The following PHF21A variants were observed in gnomAD, a reference collection of about 807,000 sequenced individuals.
The protein encoded by PHF21A is PHD finger protein 21A, also known as BHC80a.
Under a neutral mutation model 82.5 loss-of-function variants are expected in PHF21A, and 11 were observed. The ratio of observed to expected loss-of-function variants is 0.13; its 90% confidence interval spans 0.08 to 0.22. The LOEUF (loss-of-function observed/expected upper bound fraction) is 0.22. Ranked by LOEUF, PHF21A falls within the 10% of genes least tolerant of loss-of-function variation. The pLI is 1.00. For synonymous variants in PHF21A, 297 were observed against 302.8 expected (o/e 0.98, Z 0.20); for missense variants, 579 against 837.8 (o/e 0.69, Z 3.81).
chr11:46,043,518 C>T (rs2096196015), intron 6 of PHF21A, among the ~76,000 whole-genome samples: 1 of 152,094 alleles, frequency 6.6e-6, no homozygotes, highest in South Asian at 2.1e-4. Context: ...CAATGCCTCT[C>T]CTTCCACTGG....
intron 10 of PHF21A, among the ~76,000 whole-genome samples, chr11:45,957,595 A>G (rs764881991): frequency 7.9e-5 from 12 of 151,908 alleles, no homozygotes; most frequent in Non-Finnish European, 1.8e-4. Context: ...AAATGAAAAC[A>G]AGGCCACAAC....
chr11:46,038,372 C>T (rs1308194190), intron 6 of PHF21A, among the ~76,000 whole-genome samples: 1 of 152,136 alleles, frequency 6.6e-6, no homozygotes, highest in Non-Finnish European at 1.5e-5. Flanking sequence ...AAGTGATCCA[C>T]CCGCCTCAGC....
intron 6 of PHF21A, among the ~76,000 whole-genome samples, chr11:46,026,646 C>T (rs569868867): frequency 6.6e-6 from 1 of 152,106 alleles, no homozygotes; most frequent in South Asian, 2.1e-4. Context: ...AAAAAAAAAT[C>T]CTTTAAAGTC....
intron 6 of PHF21A, among the ~76,000 whole-genome samples, chr11:46,056,698 G>A (rs1403609688): frequency 6.6e-6 from 1 of 152,076 alleles, no homozygotes; most frequent in African/African-American, 2.4e-5. Flanking sequence ...AATGAATCAG[G>A]ATTTAGCGGC....
chr11:46,085,442 A>T (rs2096845176), intron 3 of PHF21A, among the ~76,000 whole-genome samples: 1 of 152,120 alleles, frequency 6.6e-6, no homozygotes. Flanking sequence ...AATTATTTCG[A>T]TGGCTAATTT....
At chr11:46,001,274 T>C (rs1183229811) in intron 6 of PHF21A, among the ~76,000 whole-genome samples, 2 of 151,340 alleles carry the variant, frequency 1.3e-5, no homozygotes. Flanking sequence ...AGTCAAAGGT[T>C]CTGTGACCAC....
At chr11:45,939,385 G>A (rs970107998) in intron 15 of PHF21A, among the ~76,000 whole-genome samples, 1 of 152,128 alleles carries the variant, frequency 6.6e-6, no homozygotes, top group Non-Finnish European at 1.5e-5. Flanking sequence ...GAGTTTTCCT[G>A]AATTTGCTTG....
At chr11:46,021,763 C>G (rs1197273027) in intron 6 of PHF21A, among the ~76,000 whole-genome samples, 1 of 152,150 alleles carries the variant, frequency 6.6e-6, no homozygotes, top group East Asian at 1.9e-4. Context: ...GTTGCCCAGG[C>G]TGGTCTTGAA....
chr11:45,949,403 T>C lies in PHF21A; in HGVS notation c.1226A>G (p.Glu409Gly). Residue 409 changes from glutamate to glycine, a missense_variant and splice_region_variant, in exon 13 of 19, where the codon GAG (glutamate) becomes GGG (glycine). Physicochemically the swap from Glu to Gly is moderately conservative, Grantham distance 98. Transcript: ENST00000676320. ...GGGCCAGATGCTGGCCAGTAATACC[T>C]CTGGCTCAAAGACTGCTCCACTGTA... ...PVYSGAVFEP[E>G]RKKSAVTYLN... 6.2e-7 allele frequency: 1 copy of C among 1,613,086 alleles called. No homozygotes were observed.
chr11:46,004,955 T>A (rs959047788), intron 6 of PHF21A, among the ~76,000 whole-genome samples: 2 of 152,314 alleles, frequency 1.3e-5, no homozygotes, highest in South Asian at 2.1e-4. Context: ...GTTTACTTTT[T>A]CCCTTTACAA....
At chr11:46,079,347 T>TA (rs2135086346) in intron 4 of PHF21A, among the ~76,000 whole-genome samples, 181 bp from the exon 5 acceptor site, 1 of 152,250 alleles carries the variant, frequency 6.6e-6, no homozygotes, top group African/African-American at 2.4e-5. Flanking sequence ...CTTCCTTTAA[T>TA]AAAAAAATCA....
At chr11:46,109,587 A>C (rs10838565) in intron 1 of PHF21A, among the ~76,000 whole-genome samples, 23,009 of 152,118 alleles carry the variant, frequency 0.15, 3,705 homozygotes, top group East Asian at 0.58. Flanking sequence ...TTCCCATGAC[A>C]ACACACCAGT....
In PHF21A at chr11:46,088,420, C is replaced by CAA. The variant is rs546621414; in HGVS notation, c.-84+2033_-84+2034dup. ...TCTAACTTTCCAATAACAACAACAA[C>CAA]AACAACAACAACAACAAAACATAAA... On this transcript the variant is annotated intron_variant, in intron 3 of 18. Coordinates refer to ENST00000676320, the MANE Select transcript of PHF21A (RefSeq NM_001352027.3). 1.9e-4 allele frequency among the ~76,000 whole-genome samples: 29 copies of CAA among 152,030 alleles called. No individual in the cohort carries two copies. The East Asian group carries it at 4.8e-3, about 25-fold the overall frequency.
intron 6 of PHF21A, among the ~76,000 whole-genome samples, chr11:46,012,786 C>A (rs901641591): frequency 4.6e-5 from 7 of 152,306 alleles, no homozygotes; most frequent in African/African-American, 1.4e-4. Flanking sequence ...AACTCATTGT[C>A]TTCCCTCTCT....
chr11:46,119,448 C>A (rs989317987), intron 1 of PHF21A, among the ~76,000 whole-genome samples: 2 of 152,170 alleles, frequency 1.3e-5, no homozygotes, highest in Non-Finnish European at 2.9e-5. Context: ...TCCTCTACTT[C>A]CAGACCTAAA....
chr11:45,958,164 T>C (rs2092802261), intron 10 of PHF21A, among the ~76,000 whole-genome samples: 1 of 151,590 alleles, frequency 6.6e-6, no homozygotes, highest in Admixed American at 6.6e-5. Context: ...GATGGTTTTA[T>C]TAGTGAATTC....
intron 6 of PHF21A, among the ~76,000 whole-genome samples, chr11:46,069,113 G>A (rs1043258191): frequency 3.9e-5 from 6 of 152,234 alleles, no homozygotes; most frequent in South Asian, 2.1e-4. Context: ...ACAACCTCTC[G>A]ATCTTCAGAA....
At chr11:45,934,277 C>G in intron 18 of PHF21A, 52 bp from the exon 19 acceptor site, 1 of 1,562,304 alleles carries the variant, frequency 6.4e-7, no homozygotes, top group Non-Finnish European at 8.7e-7. Context: ...TTCTAACAGG[C>G]CTGGCAGCCC....
chr11:45,949,572 G>A, intron 12 of PHF21A, 91 bp from the exon 13 acceptor site: 1 of 1,076,572 alleles, frequency 9.3e-7, no homozygotes, highest in Non-Finnish European at 1.4e-6. Context: ...TTTCCCATAA[G>A]AAATCAGAAT....
Sources: gnomAD v4.1 joint callset for allele counts (sites outside exome capture counted in the v4.1 genomes callset) on GRCh38, gnomAD v4.1.1 for gene constraint, MANE v1.5 for transcripts, NCBI Gene and HGNC (gene_info 2026-07-23, HGNC 2026-07-21) for gene names.